Variants in GLRA3 observed in about 807,000 individuals in gnomAD.
GLRA3 encodes glycine receptor alpha 3.
A neutral mutation model predicts 60.4 loss-of-function variants in GLRA3; 44 were observed. That is an observed-to-expected ratio of 0.73 (90% confidence interval 0.57 to 0.94). GLRA3 has a LOEUF of 0.94. Ranked by LOEUF, GLRA3 falls within the 40% of genes least tolerant of loss-of-function variation. The pLI, the probability that GLRA3 is intolerant of heterozygous loss-of-function variation, is 0.00. For synonymous variants in GLRA3, 223 were observed against 192.9 expected (o/e 1.16, Z -1.29); for missense variants, 508 against 564.6 (o/e 0.90, Z 1.02).
chr4:174,771,879 GA>G (rs1459425729), intron 2 of GLRA3, among the ~76,000 whole-genome samples: 5 of 152,244 alleles, frequency 3.3e-5, no homozygotes, highest in African/African-American at 7.2e-5. Context: ...CAATTGTGGT[GA>G]AAGAGGCAAA....
At chr4:174,679,841 G>C (rs1561050559) in intron 6 of GLRA3, among the ~76,000 whole-genome samples, 1 of 152,206 alleles carries the variant, frequency 6.6e-6, no homozygotes, top group Non-Finnish European at 1.5e-5. Flanking sequence ...AAAGCAAATA[G>C]TGGTTTCGAG....
intron 8 of GLRA3, 30 bp downstream of exon 8, chr4:174,659,024 C>T: frequency 1.3e-6 from 2 of 1,588,496 alleles, no homozygotes; most frequent in Non-Finnish European, 1.7e-6. Context: ...AAACTGGATT[C>T]TGCCAAACCC....
intron 1 of GLRA3, among the ~76,000 whole-genome samples, chr4:174,795,716 G>A (rs111792380): frequency 7.9e-5 from 12 of 151,988 alleles, no homozygotes; most frequent in Admixed American, 3.3e-4. Context: ...TAATTTGTTC[G>A]ATGCAAAGCA....
At chr4:174,810,066 G>A (rs1740200402) in intron 1 of GLRA3, among the ~76,000 whole-genome samples, 1 of 152,130 alleles carries the variant, frequency 6.6e-6, no homozygotes, top group Non-Finnish European at 1.5e-5. Context: ...AGCACTGTCT[G>A]AGGACTCTGG....
intron 5 of GLRA3, among the ~76,000 whole-genome samples, chr4:174,692,322 G>C (rs1048914822): frequency 6.8e-6 from 1 of 146,550 alleles, no homozygotes; most frequent in Non-Finnish European, 1.5e-5. Context: ...AGGTGGGGGG[G>C]TCAGCCCCCC....
intron 2 of GLRA3, among the ~76,000 whole-genome samples, chr4:174,774,364 A>ATGTGTGTGTGTGTGTATGTG (rs1554020275): frequency 6.6e-6 from 1 of 150,592 alleles, no homozygotes; most frequent in Non-Finnish European, 1.5e-5. Flanking sequence ...GTGTGTGTGT[A>ATGTGTGTGTGTGTGTATGTG]TGTGTGTGTG....
intron 8 of GLRA3, among the ~76,000 whole-genome samples, chr4:174,657,540 T>C (rs1733258385): frequency 6.6e-6 from 1 of 152,158 alleles, no homozygotes; most frequent in Non-Finnish European, 1.5e-5. Flanking sequence ...CTTTATCAGT[T>C]ACTAGTAACG....
intron 1 of GLRA3, among the ~76,000 whole-genome samples, chr4:174,817,111 T>A (rs1268938604): frequency 1.3e-5 from 2 of 152,160 alleles, no homozygotes; most frequent in African/African-American, 4.8e-5. Context: ...TTCCAAGAAG[T>A]TCAGCATGCC....
intron 4 of GLRA3, 24 bp downstream of exon 4, chr4:174,728,451 C>A (rs772265168): frequency 1.4e-4 from 169 of 1,241,972 alleles, no homozygotes; most frequent in Admixed American, 8.1e-4. Flanking sequence ...TCACTGAAAT[C>A]GGCAATTTAA....
chr4:174,791,896 T>C (rs886556857), intron 1 of GLRA3, among the ~76,000 whole-genome samples: 1 of 152,240 alleles, frequency 6.6e-6, no homozygotes, highest in African/African-American at 2.4e-5. Context: ...ACTAATTCTG[T>C]AAAGTCTACT....
In GLRA3 at chr4:174,640,057, T is replaced by C. The variant is rs1203407093; in HGVS notation, c.*3729A>G. Reference sequence around the variant, plus strand: ...GGAATGGCTTGCTTTTCTTTGCTAGTTCAATATTAACTAGATGAAAAATAT... The same window carrying C: ...GGAATGGCTTGCTTTTCTTTGCTAGCTCAATATTAACTAGATGAAAAATAT... On this transcript the variant is annotated 3_prime_UTR_variant, in exon 10 of 10. Transcript: ENST00000274093. The C allele has an allele frequency of 6.6e-6, 1 of 152,130 alleles. No individual in the cohort carries two copies. Among genetic ancestry groups the C allele is most frequent in the African/African-American group, 2.4e-5 (1 of 41,448 alleles). 9.4% of individuals were successfully genotyped at this position (152,130 alleles called of 1,614,324 possible). A position where few individuals can be genotyped will look rare whatever the true frequency, so the allele number is the denominator to read the frequency against.
chr4:174,686,700 A>G (rs1049347493), intron 5 of GLRA3, among the ~76,000 whole-genome samples: 2 of 152,200 alleles, frequency 1.3e-5, no homozygotes, highest in Non-Finnish European at 2.9e-5. Flanking sequence ...TTTGAGCTGG[A>G]TCTTGAAAAC....
chr4:174,797,069 T>C (rs1031801768), intron 1 of GLRA3, among the ~76,000 whole-genome samples: 3 of 152,156 alleles, frequency 2.0e-5, no homozygotes, highest in Non-Finnish European at 2.9e-5. Context: ...TACTCTAAAT[T>C]TGAAATAGCC....
At chr4:174,701,383 C>T (rs902457014) in intron 5 of GLRA3, among the ~76,000 whole-genome samples, 1 of 152,144 alleles carries the variant, frequency 6.6e-6, no homozygotes, top group Admixed American at 6.5e-5. Context: ...ATAAAAGATT[C>T]CTTTCAAAAT....
chr4:174,648,319 C>T (rs896107314), intron 9 of GLRA3, among the ~76,000 whole-genome samples: 2 of 152,102 alleles, frequency 1.3e-5, no homozygotes, highest in Non-Finnish European at 2.9e-5. Context: ...AAAAAATTAG[C>T]CAGGCGTGGT....
intron 2 of GLRA3, among the ~76,000 whole-genome samples, chr4:174,774,787 T>G (rs1462966827): frequency 6.6e-6 from 1 of 152,182 alleles, no homozygotes; most frequent in African/African-American, 2.4e-5. Context: ...AGAGAGTGGA[T>G]GAAATTTGAA....
chr4:174,811,965 G>A (rs1052430767), intron 1 of GLRA3, among the ~76,000 whole-genome samples: 3 of 151,838 alleles, frequency 2.0e-5, no homozygotes, highest in African/African-American at 7.3e-5. Context: ...AATCTTATTT[G>A]GTAAAATACT....
chr4:174,825,368 G>A (rs1416809101), intron 1 of GLRA3, among the ~76,000 whole-genome samples: 1 of 151,936 alleles, frequency 6.6e-6, no homozygotes, highest in Non-Finnish European at 1.5e-5. Flanking sequence ...TTTTACTAAG[G>A]CTTTGAAGTA....
chr4:174,701,951 G>A (rs1421469867), intron 5 of GLRA3, among the ~76,000 whole-genome samples: 2 of 152,204 alleles, frequency 1.3e-5, no homozygotes, highest in African/African-American at 2.4e-5. Context: ...TGAAGACACC[G>A]TGAACATTGT....
Sources: allele counts gnomAD v4.1 joint callset (sites outside exome capture counted in the v4.1 genomes callset), GRCh38; gene constraint gnomAD v4.1.1; transcripts MANE v1.5; gene names NCBI Gene and HGNC (gene_info 2026-07-23, HGNC 2026-07-21).